The following TAS2R1 variants were observed in gnomAD, a reference collection of about 807,000 sequenced individuals.
The protein encoded by TAS2R1 is taste 2 receptor member 1.
For missense variants in TAS2R1, 370 were observed against 353.4 expected (o/e 1.05, Z -0.38); for synonymous variants, 141 against 134.2 (o/e 1.05, Z -0.35).
the TAS2R1 span, among the ~76,000 whole-genome samples, chr5:9,719,918 C>CAAAAAAAAAAAAA: frequency 1.1e-4 from 7 of 64,298 alleles, no homozygotes; most frequent in African/African-American, 2.8e-4. Context: ...GATTCCGATT[C>CAAAAAAAAAAAAA]AAAAAAAAAA....
the TAS2R1 span, among the ~76,000 whole-genome samples, chr5:9,777,671 C>T: frequency 2.6e-5 from 4 of 152,316 alleles, no homozygotes; most frequent in Non-Finnish European, 4.4e-5. Flanking sequence ...CAGAAGGCTT[C>T]GAATTTGCTT....
chr5:9,847,439 T>C, the TAS2R1 span, among the ~76,000 whole-genome samples: 1 of 152,236 alleles, frequency 6.6e-6, no homozygotes, highest in Non-Finnish European at 1.5e-5. Flanking sequence ...GTTCTCTAGC[T>C]CTAGACCATC....
the TAS2R1 span, among the ~76,000 whole-genome samples, chr5:9,751,529 T>A: frequency 6.6e-6 from 1 of 152,312 alleles, no homozygotes; most frequent in East Asian, 1.9e-4. Context: ...CTGTAAAAGG[T>A]CAGAGAAACA....
chr5:9,821,010 T>C, the TAS2R1 span, among the ~76,000 whole-genome samples: 3 of 152,236 alleles, frequency 2.0e-5, no homozygotes, highest in South Asian at 2.1e-4. Flanking sequence ...CAGCAGAATG[T>C]TGGTGCTTTC....
chr5:9,870,058 C>T, the TAS2R1 span: 1 of 152,242 alleles, frequency 6.6e-6, no homozygotes, highest in Admixed American at 6.5e-5. Context: ...CTTCTGGAAA[C>T]ATGACTAAGC....
the TAS2R1 span, among the ~76,000 whole-genome samples, chr5:9,725,376 A>G: frequency 6.6e-6 from 1 of 152,206 alleles, no homozygotes; most frequent in South Asian, 2.1e-4. Context: ...CTGGGTAGGC[A>G]TGGGCTTGGC....
At chr5:9,893,619 A>G in the TAS2R1 span, among the ~76,000 whole-genome samples, 1 of 152,216 alleles carries the variant, frequency 6.6e-6, no homozygotes, top group African/African-American at 2.4e-5. Context: ...AAATTCCAAC[A>G]GCAAAAGTGT....
chr5:9,666,455 T>C (rs1489218473), intron 1 of TAS2R1, among the ~76,000 whole-genome samples: 1 of 152,168 alleles, frequency 6.6e-6, no homozygotes, highest in African/African-American at 2.4e-5. Context: ...GTTCATTATA[T>C]CTGGGAGGAA....
At chr5:9,633,319 T>TATATATATATACACAC (rs1475834697), upstream of TAS2R1, among the ~76,000 whole-genome samples, 1 of 137,482 alleles carries the variant, frequency 7.3e-6, no homozygotes, top group African/African-American at 3.0e-5. Flanking sequence ...TATATATATA[T>TATATATATATACACAC]ACACAAATGT....
intron 2 of TAS2R1, chr5:9,658,702 G>A (rs867189877): frequency 3.9e-5 from 6 of 152,314 alleles, no homozygotes; most frequent in East Asian, 1.9e-4. Flanking sequence ...TGATATGCTC[G>A]TATTTGGTAG....
the TAS2R1 span, among the ~76,000 whole-genome samples, chr5:9,809,786 T>C: frequency 6.6e-6 from 1 of 152,190 alleles, no homozygotes; most frequent in Non-Finnish European, 1.5e-5. Context: ...TCAATGCCAA[T>C]GAAGACCTTC....
intron 1 of TAS2R1, among the ~76,000 whole-genome samples, chr5:9,710,010 C>G (rs1339911261): frequency 6.6e-6 from 1 of 152,220 alleles, no homozygotes; most frequent in Non-Finnish European, 1.5e-5. Flanking sequence ...GAGTTTTGGT[C>G]CACGGAGTCT....
intron 2 of TAS2R1, among the ~76,000 whole-genome samples, chr5:9,644,635 T>A (rs1269335659): frequency 6.6e-6 from 1 of 152,212 alleles, no homozygotes; most frequent in African/African-American, 2.4e-5. Flanking sequence ...TTTGGAAATA[T>A]GCATTTGGAA....
At chr5:9,791,823 T>TGTGG in the TAS2R1 span, among the ~76,000 whole-genome samples, 3 of 152,162 alleles carry the variant, frequency 2.0e-5, no homozygotes, top group African/African-American at 4.8e-5. Flanking sequence ...ACAGCCTGGG[T>TGTGG]GTGGGGCTTC....
intron 1 of TAS2R1, among the ~76,000 whole-genome samples, chr5:9,696,822 T>C (rs1023741059): frequency 1.3e-5 from 2 of 151,820 alleles, no homozygotes; most frequent in African/African-American, 2.4e-5. Context: ...GAGACCAGAC[T>C]GACCAACATG....
the TAS2R1 span, among the ~76,000 whole-genome samples, chr5:9,893,114 T>TG: frequency 6.6e-6 from 1 of 152,154 alleles, no homozygotes; most frequent in Non-Finnish European, 1.5e-5. Flanking sequence ...AATTCTTACA[T>TG]GCAACCAGAG....
chr5:9,644,232 C>T (rs1561367699), intron 2 of TAS2R1, among the ~76,000 whole-genome samples: 2 of 152,094 alleles, frequency 1.3e-5, no homozygotes, highest in Non-Finnish European at 2.9e-5. Context: ...CTCTGGAGAA[C>T]ATATGTGGAG....
At chr5:9,725,726 G>T in the TAS2R1 span, among the ~76,000 whole-genome samples, 2 of 152,236 alleles carry the variant, frequency 1.3e-5, no homozygotes, top group Non-Finnish European at 2.9e-5. Context: ...ACACGGCACG[G>T]GACTGGCAGG....
intron 1 of TAS2R1, among the ~76,000 whole-genome samples, chr5:9,702,418 A>G (rs777621368): frequency 3.3e-5 from 5 of 152,122 alleles, no homozygotes; most frequent in Non-Finnish European, 7.3e-5. Context: ...GCTGCTAAAC[A>G]TCCTAAAATG....
Sources: gnomAD v4.1 joint callset for allele counts (sites outside exome capture counted in the v4.1 genomes callset) on GRCh38, gnomAD v4.1.1 for gene constraint, MANE v1.5 for transcripts, NCBI Gene and HGNC (gene_info 2026-07-23, HGNC 2026-07-21) for gene names.